TAF5L: variants seen among roughly 807,000 people sequenced by gnomAD.
TAF5L encodes TAF5-like RNA polymerase II p300/CBP-associated factor-associated factor 65 kDa subunit 5L.
TAF5L carries 7 observed loss-of-function variants against 51.3 expected under a neutral mutation model. That is an observed-to-expected ratio of 0.14 (90% CI 0.08 to 0.26). The LOEUF is 0.26. Among genes scored for constraint, TAF5L ranks in the 10% least tolerant of loss-of-function variants. TAF5L has a pLI of 1.00. For missense variants in TAF5L, 575 were observed against 758.9 expected (o/e 0.76, Z 2.85); for synonymous variants, 291 against 308.1 (o/e 0.94, Z 0.58).
chr1:229,593,380 A>AT (rs1234555713), exon 5 of TAF5L: 2 of 151,928 alleles, frequency 1.3e-5, no homozygotes, highest in Admixed American at 1.3e-4. Flanking sequence ...GAAATTCAAC[A>AT]TTTTTCTAAT....
intron 4 of TAF5L, among the ~76,000 whole-genome samples, chr1:229,596,714 T>C (rs1664141429): frequency 6.6e-6 from 1 of 152,164 alleles, no homozygotes; most frequent in African/African-American, 2.4e-5. Flanking sequence ...ATAGATAAAC[T>C]CCTCAAAACT....
intron 1 of TAF5L, among the ~76,000 whole-genome samples, chr1:229,624,905 C>A (rs767655729): frequency 1.3e-5 from 2 of 152,176 alleles, no homozygotes; most frequent in Non-Finnish European, 2.9e-5. Context: ...ACACTTGAAT[C>A]GCCTGATATA....
At chr1:229,610,235 C>A (rs1440686024) in intron 2 of TAF5L, 25 bp from the exon 3 acceptor site, 2 of 1,608,962 alleles carry the variant, frequency 1.2e-6, no homozygotes, top group South Asian at 1.1e-5. Context: ...ATACACAAGT[C>A]AGGGCGGGAA....
intron 1 of TAF5L, among the ~76,000 whole-genome samples, chr1:229,621,400 A>G (rs1665196784): frequency 8.7e-6 from 1 of 115,262 alleles, no homozygotes; most frequent in Non-Finnish European, 1.7e-5. Context: ...AGTTATTAAC[A>G]TACCCATCCA....
exon 5 of TAF5L, chr1:229,595,023 C>T (rs757142769): frequency 6.2e-6 from 10 of 1,614,170 alleles, no homozygotes; most frequent in South Asian, 3.3e-5. Flanking sequence ...CGAGGAACCT[C>T]GTGCTGTACA....
intron 3 of TAF5L, among the ~76,000 whole-genome samples, chr1:229,605,541 G>A (rs1422093901): frequency 6.6e-6 from 1 of 152,056 alleles, no homozygotes; most frequent in Non-Finnish European, 1.5e-5. Flanking sequence ...ACTTTTACAT[G>A]TCAAACTGTG....
At chr1:229,609,339 G>A (rs1055746366) in intron 3 of TAF5L, among the ~76,000 whole-genome samples, 1 of 152,042 alleles carries the variant, frequency 6.6e-6, no homozygotes, top group African/African-American at 2.4e-5. Context: ...TGAAGCATAG[G>A]TGTATAATAA....
chr1:229,600,865 C>T (rs890834059), intron 4 of TAF5L: 5 of 984,666 alleles, frequency 5.1e-6, no homozygotes, highest in Non-Finnish European at 6.0e-6. Context: ...TTTTAATGCA[C>T]AGAATAATCT....
chr1:229,610,415 A>G (rs1334721270), intron 2 of TAF5L, among the ~76,000 whole-genome samples: 2 of 152,240 alleles, frequency 1.3e-5, no homozygotes, highest in Non-Finnish European at 2.9e-5. Flanking sequence ...GAAGCCCAAT[A>G]AAATGAAGGC....
At chr1:229,601,196 C>T (rs1664359685) in intron 4 of TAF5L, 1 of 985,218 alleles carries the variant, frequency 1.0e-6, no homozygotes, top group South Asian at 4.7e-5. Context: ...TGGAAGTGGA[C>T]TCAGAAAACA....
Position 229,594,447 on chromosome 1 carries a change from C to A in TAF5L, c.1620G>T (p.Arg540Ser). ...CGGCAGGTGCACTGCAGTAAGTGTT[C>A]CTGATGTCCCAGACGCGCACCGAGT... Residue 540 changes from arginine to serine, a missense_variant, in exon 5 of 5, where the codon AGG becomes AGT. By Grantham distance (110) the Arg-to-Ser change is moderately radical (BLOSUM62 -1). Around this residue, in one of 3 missense-constraint regions of TAF5L, gnomAD observed 91 missense variants for 96.9 expected, o/e 0.94. Transcript: ENST00000258281. The surrounding 1 kb of genome is among the most constrained non-coding windows in gnomAD (Gnocchi z 7.9). 1 of 1,614,128 alleles carries A rather than the reference C, an allele frequency of 6.2e-7. No individual in the cohort carries two copies. Among genetic ancestry groups the A allele is most frequent in the Non-Finnish European group, 8.5e-7 (1 of 1,180,026 alleles).
At chr1:229,607,167 C>T (rs1223505543) in intron 3 of TAF5L, 1 of 985,262 alleles carries the variant, frequency 1.0e-6, no homozygotes, top group Non-Finnish European at 1.2e-6. Flanking sequence ...GTCTTAAAGC[C>T]TGAGCCATCG....
At chr1:229,606,472 T>A (rs1664599872) in intron 3 of TAF5L, 1 of 985,166 alleles carries the variant, frequency 1.0e-6, no homozygotes, top group African/African-American at 1.7e-5. Flanking sequence ...TTTTCATGAG[T>A]TCATGGAAAT....
Position 229,610,056 on chromosome 1 carries a change from G to A in TAF5L, c.247+50C>T, listed in dbSNP as rs761036997. On this transcript the variant is annotated intron_variant, in intron 3 of 4. Transcript: ENST00000258281. ...CAAGCAGTGTGCCCAAAGTTGGTCTGTATTACTCTGTTTTCTTAAAAAGAA... is the reference window on the plus strand; with the variant it reads ...CAAGCAGTGTGCCCAAAGTTGGTCTATATTACTCTGTTTTCTTAAAAAGAA... The A allele has an allele frequency of 2.6e-6, 4 of 1,560,754 alleles. No homozygotes were observed. The South Asian group carries it at 4.5e-5, about 17-fold the overall frequency.
intron 4 of TAF5L, chr1:229,600,827 T>C (rs1337092366): frequency 9.1e-6 from 9 of 985,172 alleles, no homozygotes; most frequent in Non-Finnish European, 1.1e-5. Context: ...TTATCAGATG[T>C]CATAATGCTA....
At chr1:229,613,329 C>CAAAAAAAA (rs567436350) in intron 2 of TAF5L, among the ~76,000 whole-genome samples, 1 of 84,558 alleles carries the variant, frequency 1.2e-5, no homozygotes, top group Non-Finnish European at 2.4e-5. Context: ...GACTCTGTCT[C>CAAAAAAAA]AAAAAAAAAA....
rs1240390505 is a variant in TAF5L, at chr1:229,602,855, A to G, written c.312T>C (p.His104=). 2 of 1,610,412 alleles carry G rather than the reference A, an allele frequency of 1.2e-6. No individual in the cohort carries two copies. The highest frequency in any genetic ancestry group is 2.2e-5 in the South Asian group (2 of 91,080). The change falls in exon 4 of 5, where the codon CAT becomes CAC. Residue 104 remains histidine (H), a synonymous_variant. Coordinates refer to ENST00000258281, the Ensembl canonical transcript of TAF5L. The surrounding 1 kb of genome is among the most constrained non-coding windows in gnomAD (Gnocchi z 4.6). ...TCGGACTGTTTTGGACCAGGTTGAG[A>G]TGGAGGTAGACAAAGAGAGGATAGA...
At chr1:229,604,854 T>A (rs1311875150) in intron 3 of TAF5L, among the ~76,000 whole-genome samples, 1 of 152,182 alleles carries the variant, frequency 6.6e-6, no homozygotes, top group Non-Finnish European at 1.5e-5. Context: ...AATGTTTTGG[T>A]GTGAATATCT....
chr1:229,606,284 C>T, intron 3 of TAF5L: 11 of 831,954 alleles, frequency 1.3e-5, no homozygotes, highest in Non-Finnish European at 1.6e-5. Context: ...TGCAATCTAA[C>T]ATACTCTGTA....
Sources: gnomAD v4.1 joint callset for allele counts (sites outside exome capture counted in the v4.1 genomes callset) on GRCh38, gnomAD v4.1.1 for gene constraint, gnomAD v4.1.1 regional missense constraint, Gnocchi (gnomAD v3.1) non-coding constraint, MANE v1.5 for transcripts, NCBI Gene and HGNC (gene_info 2026-07-23, HGNC 2026-07-21) for gene names.